Variants in SLC25A12 observed in about 807,000 individuals in gnomAD.
SLC25A12 encodes the protein solute carrier family 25 member 12, also known as electrogenic aspartate/glutamate antiporter SLC25A12, mitochondrial.
Under a neutral mutation model 83.3 loss-of-function variants are expected in SLC25A12, and 32 were observed. That is an observed-to-expected ratio of 0.38 (90% CI 0.29 to 0.52). SLC25A12 has a LOEUF of 0.52. Among genes scored for constraint, SLC25A12 ranks in the 20% least tolerant of loss-of-function variants. SLC25A12 has a pLI of 0.84. For missense variants in SLC25A12, 611 were observed against 835.6 expected (o/e 0.73, Z 3.31); for synonymous variants, 267 against 291.1 (o/e 0.92, Z 0.84).
chr2:171,867,241 C>T (rs1360328168), intron 3 of SLC25A12, among the ~76,000 whole-genome samples: 18 of 150,896 alleles, frequency 1.2e-4, no homozygotes, highest in African/African-American at 4.1e-4. Flanking sequence ...GGCGGCCGGG[C>T]AGAGGCTGCA....
chr2:171,791,631 G>A (rs777555122), intron 14 of SLC25A12, 42 bp from the exon 15 acceptor site: 7 of 1,593,534 alleles, frequency 4.4e-6, no homozygotes, highest in Non-Finnish European at 6.0e-6. Context: ...GTGTGAAACT[G>A]AGTGTGAATG....
intron 13 of SLC25A12, among the ~76,000 whole-genome samples, chr2:171,797,517 A>G (rs931615973): frequency 1.3e-5 from 2 of 152,220 alleles, no homozygotes; most frequent in African/African-American, 4.8e-5. Flanking sequence ...TGTACCTTTT[A>G]AATTTCAAAA....
intron 9 of SLC25A12, 152 bp from the exon 10 acceptor site, chr2:171,815,354 T>C: frequency 1.5e-6 from 1 of 652,502 alleles, no homozygotes; most frequent in Non-Finnish European, 2.8e-6. Context: ...GAAAATAGGA[T>C]ATTCATGCAG....
chr2:171,799,755 T>C (rs545812505), intron 13 of SLC25A12, among the ~76,000 whole-genome samples: 7 of 152,310 alleles, frequency 4.6e-5, no homozygotes, highest in African/African-American at 1.7e-4. Flanking sequence ...ACTAACTCAT[T>C]TGAGAGCACT....
At position 171,785,388 on chromosome 2, in the gene SLC25A12, G is replaced by T; in HGVS notation, c.1923C>A (p.Leu641=). The T allele has an allele frequency of 1.2e-6, 2 of 1,614,196 alleles. No individual in the cohort carries two copies. Among genetic ancestry groups the T allele is most frequent in the Middle Eastern group, 3.3e-4 (2 of 6,062 alleles). ...ANPDHIGGYR[L]ATATFAGIEN... Reference sequence around the variant, plus strand: ...CGATGCCTGCAAACGTGGCTGTGGCGAGTCTGTATCCACCGATGTGATCAG... The same window carrying T: ...CGATGCCTGCAAACGTGGCTGTGGCTAGTCTGTATCCACCGATGTGATCAG... Residue 641 remains leucine, a synonymous_variant, in exon 18 of 18, where the codon CTC becomes CTA. Transcript: ENST00000422440.
intron 4 of SLC25A12, chr2:171,848,060 AT>A: frequency 2.5e-6 from 1 of 392,442 alleles, no homozygotes; most frequent in South Asian, 1.9e-5. Flanking sequence ...AGAGGTTTTA[AT>A]TTCCCCAGAA....
intron 4 of SLC25A12, 133 bp downstream of exon 4, chr2:171,855,701 T>C: frequency 2.7e-6 from 2 of 729,550 alleles, no homozygotes; most frequent in South Asian, 3.1e-5. Context: ...ATTATCTGCA[T>C]AAATCCTTTT....
At chr2:171,813,670 A>C (rs1253045933) in intron 10 of SLC25A12, among the ~76,000 whole-genome samples, 173 bp from the exon 11 acceptor site, 1 of 152,234 alleles carries the variant, frequency 6.6e-6, no homozygotes, top group Admixed American at 6.5e-5. Context: ...AGCAGGCTAT[A>C]GCAAGCACTG....
At chr2:171,834,268 G>A in intron 7 of SLC25A12, 1 of 524,376 alleles carries the variant, frequency 1.9e-6, no homozygotes. Context: ...TGATAAAACA[G>A]CAAAACAGAT....
intron 13 of SLC25A12, among the ~76,000 whole-genome samples, chr2:171,800,302 C>T (rs1683684278): frequency 6.8e-6 from 1 of 146,780 alleles, no homozygotes; most frequent in African/African-American, 2.5e-5. Flanking sequence ...AAAATGTACG[C>T]AAAAGACTTG....
At chr2:171,791,619 CAG>C (rs766351656) in intron 14 of SLC25A12, 30 bp from the exon 15 acceptor site, 2 of 1,610,162 alleles carry the variant, frequency 1.2e-6, no homozygotes, top group East Asian at 2.2e-5. Flanking sequence ...TAGTGCAAAA[CAG>C]TGTGAAACTG....
chr2:171,876,549 G>GGA (rs1558941971), intron 2 of SLC25A12, among the ~76,000 whole-genome samples: 2 of 143,298 alleles, frequency 1.4e-5, no homozygotes, highest in Admixed American at 1.4e-4. Flanking sequence ...TTTTTGGGGG[G>GGA]GGGGGGACTC....
intron 9 of SLC25A12, among the ~76,000 whole-genome samples, chr2:171,825,507 T>C (rs921142708): frequency 6.6e-5 from 10 of 152,364 alleles, no homozygotes; most frequent in Non-Finnish European, 1.0e-4. Context: ...TACTCACCAA[T>C]GTGGCAGCAA....
At chr2:171,863,523 CTCCGACA>C (rs1685213128) in intron 3 of SLC25A12, among the ~76,000 whole-genome samples, 1 of 97,872 alleles carries the variant, frequency 1.0e-5, no homozygotes, top group Non-Finnish European at 2.3e-5. Context: ...GAGACTCCGT[CTCCGACA>C]AAAAAAAAAA....
chr2:171,866,881 C>T (rs1471070720), intron 3 of SLC25A12, among the ~76,000 whole-genome samples: 5 of 145,022 alleles, frequency 3.4e-5, no homozygotes, highest in South Asian at 2.3e-4. Context: ...CCAGACGGGG[C>T]GGCTGCCGGG....
intron 13 of SLC25A12, among the ~76,000 whole-genome samples, chr2:171,795,301 T>G (rs1039746296): frequency 1.1e-4 from 16 of 152,204 alleles, no homozygotes; most frequent in African/African-American, 3.9e-4. Context: ...CAATTTTACA[T>G]GTTGATTTGC....
chr2:171,857,958 T>C (rs757278786), intron 3 of SLC25A12, among the ~76,000 whole-genome samples: 53 of 152,080 alleles, frequency 3.5e-4, no homozygotes, highest in Non-Finnish European at 6.6e-4. Flanking sequence ...GAAACTCATA[T>C]GTTGGGTTTC....
chr2:171,806,182 G>A (rs936639243), intron 13 of SLC25A12, among the ~76,000 whole-genome samples: 8 of 152,130 alleles, frequency 5.3e-5, no homozygotes, highest in Non-Finnish European at 7.4e-5. Flanking sequence ...CATAAAGACC[G>A]GGTGTGGTGG....
intron 2 of SLC25A12, among the ~76,000 whole-genome samples, chr2:171,884,665 C>T (rs1482998607): frequency 6.6e-6 from 1 of 151,740 alleles, no homozygotes; most frequent in Non-Finnish European, 1.5e-5. Flanking sequence ...ATCCCAGCTA[C>T]TCAGGAGGCT....
Sources: gnomAD v4.1 joint callset for allele counts (sites outside exome capture counted in the v4.1 genomes callset) on GRCh38, gnomAD v4.1.1 for gene constraint, MANE v1.5 for transcripts, NCBI Gene and HGNC (gene_info 2026-07-23, HGNC 2026-07-21) for gene names.